The following HS3ST3A1 variants were observed in gnomAD, a reference collection of about 807,000 sequenced individuals.
HS3ST3A1 encodes the protein heparan sulfate glucosamine 3-O-sulfotransferase 3A1.
A neutral mutation model predicts 25.7 loss-of-function variants in HS3ST3A1; 19 were observed. That is an observed-to-expected ratio of 0.74 (90% CI 0.52 to 1.08). The LOEUF is 1.08. Ranked by LOEUF, HS3ST3A1 falls within the 50% of genes least tolerant of loss-of-function variation. The pLI, the probability that HS3ST3A1 is intolerant of heterozygous loss-of-function variation, is 0.00. For synonymous variants in HS3ST3A1, 226 were observed against 278.6 expected (o/e 0.81, Z 1.88); for missense variants, 459 against 594.3 (o/e 0.77, Z 2.37).
chr17:13,557,887 A>C (rs903592441), intron 1 of HS3ST3A1, among the ~76,000 whole-genome samples: 1 of 152,240 alleles, frequency 6.6e-6, no homozygotes, highest in Non-Finnish European at 1.5e-5. Context: ...AAATTGCTGA[A>C]AAGGGACAAG....
intron 1 of HS3ST3A1, among the ~76,000 whole-genome samples, chr17:13,515,114 T>C (rs1906007629): frequency 6.6e-6 from 1 of 152,176 alleles, no homozygotes; most frequent in South Asian, 2.1e-4. Flanking sequence ...CAATAAAAAA[T>C]GTTCTAGAAT....
At chr17:13,537,764 C>T (rs1906814100) in intron 1 of HS3ST3A1, among the ~76,000 whole-genome samples, 1 of 152,152 alleles carries the variant, frequency 6.6e-6, no homozygotes, top group Non-Finnish European at 1.5e-5. Flanking sequence ...TTTCTACGAA[C>T]ACTTGTCAAC....
chr17:13,515,904 T>A (rs992847762), intron 1 of HS3ST3A1, among the ~76,000 whole-genome samples: 1 of 152,218 alleles, frequency 6.6e-6, no homozygotes, highest in African/African-American at 2.4e-5. Flanking sequence ...TGAATGATGT[T>A]GAACGTCTTT....
chr17:13,517,649 T>A (rs1398246564), intron 1 of HS3ST3A1, among the ~76,000 whole-genome samples: 1 of 152,082 alleles, frequency 6.6e-6, no homozygotes, highest in Non-Finnish European at 1.5e-5. Context: ...TAAATTTATT[T>A]TATTATTATT....
chr17:13,531,417 C>A (rs754057566), intron 1 of HS3ST3A1, among the ~76,000 whole-genome samples: 1 of 152,186 alleles, frequency 6.6e-6, no homozygotes, highest in African/African-American at 2.4e-5. Flanking sequence ...ATCCTACCCA[C>A]ATCCCGATAT....
intron 1 of HS3ST3A1, among the ~76,000 whole-genome samples, chr17:13,593,800 G>T (rs142519812): frequency 1.3e-5 from 2 of 152,120 alleles, no homozygotes; most frequent in African/African-American, 2.4e-5. Flanking sequence ...CATCTTAGGG[G>T]ATATCATAAC....
chr17:13,597,892 A>G (rs992517871), intron 1 of HS3ST3A1, among the ~76,000 whole-genome samples: 2 of 152,186 alleles, frequency 1.3e-5, no homozygotes, highest in Admixed American at 1.3e-4. Flanking sequence ...CAAACTTGCT[A>G]ATTGCAGCAG....
intron 1 of HS3ST3A1, among the ~76,000 whole-genome samples, chr17:13,530,865 A>C (rs775169092): frequency 6.6e-6 from 1 of 152,194 alleles, no homozygotes. Flanking sequence ...GTAGTTTTAC[A>C]GTATTGACTC....
intron 1 of HS3ST3A1, among the ~76,000 whole-genome samples, chr17:13,534,395 G>T (rs763233930): frequency 1.3e-5 from 2 of 151,656 alleles, no homozygotes; most frequent in African/African-American, 2.4e-5. Flanking sequence ...GTTATTCTAA[G>T]TAATTATGTT....
At chr17:13,588,702 T>TC (rs397714176) in intron 1 of HS3ST3A1, among the ~76,000 whole-genome samples, 12 of 151,692 alleles carry the variant, frequency 7.9e-5, no homozygotes, top group African/African-American at 2.7e-4. Context: ...TTTTTTTTTT[T>TC]AGACGGAGTC....
At chr17:13,533,476 A>T (rs1360491513) in intron 1 of HS3ST3A1, among the ~76,000 whole-genome samples, 4 of 116,822 alleles carry the variant, frequency 3.4e-5, no homozygotes. Flanking sequence ...GGAGGTAAGA[A>T]AAATAATAAT....
intron 1 of HS3ST3A1, among the ~76,000 whole-genome samples, chr17:13,583,677 C>A (rs1173168095): frequency 6.6e-6 from 1 of 152,188 alleles, no homozygotes; most frequent in Non-Finnish European, 1.5e-5. Flanking sequence ...AATATTAAAT[C>A]TAAAGAGATG....
At chr17:13,592,456 T>G (rs1254095095) in intron 1 of HS3ST3A1, among the ~76,000 whole-genome samples, 1 of 152,126 alleles carries the variant, frequency 6.6e-6, no homozygotes, top group Non-Finnish European at 1.5e-5. Context: ...TTTGCTATTT[T>G]AAAAAAGGCT....
At chr17:13,512,262 G>A (rs962553519) in intron 1 of HS3ST3A1, among the ~76,000 whole-genome samples, 6 of 139,496 alleles carry the variant, frequency 4.3e-5, no homozygotes, top group African/African-American at 1.4e-4. Context: ...TTGCGCCACT[G>A]CAGTCCGCAG....
intron 1 of HS3ST3A1, among the ~76,000 whole-genome samples, chr17:13,507,704 C>T (rs1905728613): frequency 6.6e-6 from 1 of 152,182 alleles, no homozygotes; most frequent in African/African-American, 2.4e-5. Context: ...ATAAATCTGG[C>T]CCATGTACAT....
chr17:13,526,275 C>A (rs1294472039), intron 1 of HS3ST3A1, among the ~76,000 whole-genome samples: 1 of 151,800 alleles, frequency 6.6e-6, no homozygotes, highest in Non-Finnish European at 1.5e-5. Context: ...TCGCCTCAAT[C>A]CAGACTTCCC....
intron 1 of HS3ST3A1, among the ~76,000 whole-genome samples, chr17:13,581,917 G>C (rs1484595281): frequency 6.6e-6 from 1 of 152,120 alleles, no homozygotes; most frequent in Non-Finnish European, 1.5e-5. Context: ...TTTAACTACT[G>C]TCTGGGCATT....
At chr17:13,549,984 T>C (rs1907197013) in intron 1 of HS3ST3A1, among the ~76,000 whole-genome samples, 1 of 152,150 alleles carries the variant, frequency 6.6e-6, no homozygotes, top group South Asian at 2.1e-4. Flanking sequence ...GGTTCCATGG[T>C]CATATAGATA....
At position 13,600,783 on chromosome 17, in the gene HS3ST3A1, T is replaced by G. The variant is rs1908707182; in HGVS notation, c.347A>C (p.Glu116Ala). Reference sequence around the variant, plus strand: ...CGGACCCCCTGACAGGCCAGGGGACTCTTCTTCCCAGGCCGCCTCCTCGCC... The same window carrying G: ...CGGACCCCCTGACAGGCCAGGGGACGCTTCTTCCCAGGCCGCCTCCTCGCC... ...DDGEEAAWEE[E>A]SPGLSGGPGG... The change falls in exon 1 of 2, where the codon GAG becomes GCG. Residue 116 changes from glutamate to alanine, a missense_variant. Glu to Ala is a moderately radical substitution (Grantham distance 107). Transcript: ENST00000284110. The G allele has an allele frequency of 6.9e-7, 1 of 1,451,018 alleles. No individual in the cohort carries two copies. Among genetic ancestry groups the G allele is most frequent in the Non-Finnish European group, 9.0e-7 (1 of 1,113,848 alleles). The allele number at this position is 1,451,018 out of a possible 1,614,324, so 89.9% of individuals were successfully genotyped here.
Sources: gnomAD v4.1 joint callset for allele counts (sites outside exome capture counted in the v4.1 genomes callset) on GRCh38, gnomAD v4.1.1 for gene constraint, MANE v1.5 for transcripts, NCBI Gene and HGNC (gene_info 2026-07-23, HGNC 2026-07-21) for gene names.